The following ABLIM3 variants were observed in gnomAD, a reference collection of about 807,000 sequenced individuals.
ABLIM3 encodes the protein actin-binding LIM protein 3.
ABLIM3 carries 61 observed loss-of-function variants against 109.5 expected under a neutral mutation model. The observed-to-expected ratio is 0.56, with a 90% CI of 0.45 to 0.69. The LOEUF is 0.69. ABLIM3 is among the 30% of genes least tolerant of loss of function. ABLIM3 has a pLI of 0.00. For missense variants in ABLIM3, 796 were observed against 889.5 expected, an observed-to-expected ratio of 0.89 and a Z score of 1.34; for synonymous variants, 300 against 324.8, an observed-to-expected ratio of 0.92 and a Z score of 0.82.
At chr5:149,219,579 T>A (rs765339466) in intron 8 of ABLIM3, 2 of 152,248 alleles carry the variant, frequency 1.3e-5, no homozygotes, top group Non-Finnish European at 2.9e-5. Context: ...GCGTCTCCCC[T>A]CCAGGGTTCT....
In ABLIM3 at chr5:149,246,479, C is replaced by A; in HGVS notation, c.1487-3C>A. On this transcript the variant is annotated splice_region_variant and splice_polypyrimidine_tract_variant and intron_variant, in intron 16 of 23. Coordinates refer to ENST00000309868, the MANE Select transcript of ABLIM3 (RefSeq NM_014945.5). ...GGAGCTGATCTTTTCTGTCTTTTGACAGTGCCCCGAGCCAGAAGGTTCTCG... is the reference window on the plus strand; with the variant it reads ...GGAGCTGATCTTTTCTGTCTTTTGAAAGTGCCCCGAGCCAGAAGGTTCTCG... 6.2e-7 allele frequency: 1 copy of A among 1,613,942 alleles called. No individual in the cohort carries two copies. Among genetic ancestry groups the A allele is most frequent in the Non-Finnish European group, 8.5e-7 (1 of 1,179,942 alleles).
At chr5:149,210,930 C>T in intron 7 of ABLIM3, 111 bp downstream of exon 7, 1 of 952,476 alleles carries the variant, frequency 1.0e-6, no homozygotes, top group Non-Finnish European at 1.7e-6. Flanking sequence ...ATAGCCTTTA[C>T]CTCCTCCACC....
chr5:149,142,141 A>T, intron 2 of ABLIM3, 33 bp downstream of exon 2: 4 of 1,480,870 alleles, frequency 2.7e-6, no homozygotes, highest in Non-Finnish European at 3.7e-6. Flanking sequence ...TGCCATGGGA[A>T]CAGGGGTGGG....
chr5:149,259,605 G>C lies in ABLIM3; in HGVS notation c.*1201G>C. On this transcript the variant is annotated 3_prime_UTR_variant, in exon 24 of 24. Coordinates refer to ENST00000309868, the MANE Select transcript of ABLIM3 (RefSeq NM_014945.5). ...CCAAAATGAAGTGTTGGCCAACACC[G>C]CTCATGGCCATCCTGGATTTTCCCA... 6.5e-7 allele frequency: 1 copy of C among 1,533,898 alleles called. No homozygotes were observed. Among genetic ancestry groups the C allele is most frequent in the East Asian group, 2.4e-5 (1 of 40,904 alleles).
intron 11 of ABLIM3, 118 bp from the exon 12 acceptor site, chr5:149,239,130 A>C: frequency 1.0e-6 from 1 of 986,150 alleles, no homozygotes; most frequent in Non-Finnish European, 1.6e-6. Context: ...GAGGGGTACA[A>C]AGGAACTGCT....
At chr5:149,239,020 T>C (rs751022901) in intron 11 of ABLIM3, among the ~76,000 whole-genome samples, 1 of 152,182 alleles carries the variant, frequency 6.6e-6, no homozygotes, top group African/African-American at 2.4e-5. Context: ...TCTCTGGGCC[T>C]TGGTTTTTCC....
At position 149,246,485 on chromosome 5, in the gene ABLIM3, C is replaced by T; in HGVS notation, c.1490C>T (p.Pro497Leu). 1 of 1,613,980 alleles carries T rather than the reference C, an allele frequency of 6.2e-7. No homozygotes were observed. Among genetic ancestry groups the T allele is most frequent in the Non-Finnish European group, 8.5e-7 (1 of 1,180,018 alleles). ...YWTYHGSPKV[P>L]RARRFSSGGE... ...GATCTTTTCTGTCTTTTGACAGTGC[C>T]CCGAGCCAGAAGGTTCTCGTCTGGA... Residue 497 changes from proline to leucine, a missense_variant, in exon 17 of 24, where the codon CCC becomes CTC. Coordinates refer to ENST00000309868, the MANE Select transcript of ABLIM3 (RefSeq NM_014945.5).
intron 2 of ABLIM3, among the ~76,000 whole-genome samples, chr5:149,143,255 C>T (rs1470646291): frequency 6.6e-6 from 1 of 151,796 alleles, no homozygotes; most frequent in African/African-American, 2.4e-5. Context: ...CCCAGCTACT[C>T]AAGAGGCTGA....
intron 8 of ABLIM3, among the ~76,000 whole-genome samples, chr5:149,222,154 TTAA>T (rs1760712776): frequency 6.6e-6 from 1 of 150,640 alleles, no homozygotes; most frequent in African/African-American, 2.4e-5. Flanking sequence ...ATTATTATTA[TTAA>T]TAATATAATT....
Position 149,184,301 on chromosome 5 carries a change from G to C in ABLIM3, c.151+712G>C, listed in dbSNP as rs79883234. Among the ~76,000 whole-genome samples, 367 of 152,254 alleles carry C rather than the reference G, an allele frequency of 2.4e-3. 2 individuals are homozygous for C. The highest frequency in any genetic ancestry group is 8.6e-3 in the African/African-American group (356 of 41,542). Reference sequence around the variant, plus strand: ...TCCACATCTTGACCTCCTCATTCAGGCTTCCCTGCTCCACAGAGCAGCCAT... The same window carrying C: ...TCCACATCTTGACCTCCTCATTCAGCCTTCCCTGCTCCACAGAGCAGCCAT... On this transcript the variant is annotated intron_variant, in intron 3 of 23. Transcript: ENST00000309868.
chr5:149,252,802 C>A lies in ABLIM3; in HGVS notation c.1903C>A (p.Arg635=). ...LLLVTTRGRN[R]LPKDVDRTRL... is the part of the protein sequence containing the mutation. ...GCTGGTGACTACAAGAGGAAGAAAC[C>A]GACTGCCCAAGGATGTAGACAGGAC... Residue 635 remains arginine, a synonymous_variant, in exon 23 of 24, where the codon CGA becomes AGA. Coordinates refer to ENST00000309868, the MANE Select transcript of ABLIM3 (RefSeq NM_014945.5). 1.9e-6 allele frequency: 3 copies of A among 1,613,344 alleles called. No homozygotes were observed. The highest frequency in any genetic ancestry group is 2.5e-6 in the Non-Finnish European group (3 of 1,179,524).
chr5:149,237,437 C>G lies in ABLIM3; in HGVS notation c.889-11C>G, dbSNP rs772234725. 2.5e-6 allele frequency: 4 copies of G among 1,613,208 alleles called. No individual in the cohort carries two copies. In the African/African-American group the frequency reaches 4.0e-5, roughly 16 times the overall value. ...TTCTATTCCTTTCCTGTCCATTTCC[C>G]TCTTCCCTAGGCTAAAGTGGATAAT... On this transcript the variant is annotated splice_polypyrimidine_tract_variant and intron_variant, in intron 10 of 23. Transcript: ENST00000309868.
intron 2 of ABLIM3, among the ~76,000 whole-genome samples, chr5:149,164,966 T>C (rs1349961874): frequency 6.6e-6 from 1 of 152,232 alleles, no homozygotes; most frequent in Non-Finnish European, 1.5e-5. Context: ...GAGGCTTCCA[T>C]CAACATATGC....
chr5:149,196,772 G>T, intron 3 of ABLIM3, among the ~76,000 whole-genome samples: 1 of 152,178 alleles, frequency 6.6e-6, no homozygotes, highest in African/African-American at 2.4e-5. Flanking sequence ...TGCCTTGGAA[G>T]AAATTTTGCA....
At chr5:149,217,404 A>C (rs1760205296) in intron 8 of ABLIM3, 1 of 295,102 alleles carries the variant, frequency 3.4e-6, no homozygotes, top group African/African-American at 2.1e-5. Flanking sequence ...CCTGGGTTGC[A>C]AAGTGTCTAT....
In ABLIM3 at chr5:149,233,288, C is replaced by T; in HGVS notation, c.876C>T (p.Asn292=). 1.2e-6 allele frequency: 2 copies of T among 1,614,180 alleles called. No homozygotes were observed. Among genetic ancestry groups the T allele is most frequent in the Non-Finnish European group, 1.7e-6 (2 of 1,179,998 alleles). Residue 292 remains asparagine, a synonymous_variant, in exon 10 of 24, where the codon AAC becomes AAT. Coordinates refer to ENST00000309868, the MANE Select transcript of ABLIM3 (RefSeq NM_014945.5). The part of the protein sequence containing the change: ...SPPGSSIGSP[N]RVICAKVDNE... ...CTGGATCCAGCATTGGGTCACCCAA[C>T]CGAGTCATCTGCGTATGTATCACTT...
intron 2 of ABLIM3, among the ~76,000 whole-genome samples, chr5:149,173,698 G>A (rs1253167787): frequency 2.0e-5 from 3 of 152,156 alleles, no homozygotes; most frequent in Non-Finnish European, 2.9e-5. Context: ...CAGTACAGGA[G>A]AGAAGCTGGC....
chr5:149,254,351 C>T (rs1475118138), intron 23 of ABLIM3, among the ~76,000 whole-genome samples: 1 of 152,192 alleles, frequency 6.6e-6, no homozygotes, highest in Non-Finnish European at 1.5e-5. Flanking sequence ...CTTTCACTCT[C>T]CTGTGTATCA....
At chr5:149,225,327 G>A (rs34564665) in intron 8 of ABLIM3, among the ~76,000 whole-genome samples, 60,260 of 151,802 alleles carry the variant, frequency 0.4, 12,384 homozygotes, top group East Asian at 0.59. Context: ...CTCTGTCCCC[G>A]AACCCCTGGC....
Sources: gnomAD v4.1 joint callset for allele counts (sites outside exome capture counted in the v4.1 genomes callset) on GRCh38, gnomAD v4.1.1 for gene constraint, MANE v1.5 for transcripts, NCBI Gene and HGNC (gene_info 2026-07-23, HGNC 2026-07-21) for gene names.